Variants in NUDT9 observed in about 807,000 individuals in gnomAD.
NUDT9 encodes nudix hydrolase 9, also known as ADP-ribose pyrophosphatase.
In NUDT9, 31 loss-of-function variants were observed where a neutral mutation model predicts 41.0. The observed-to-expected ratio is 0.76, with a 90% CI of 0.57 to 1.02. The LOEUF is 1.02. NUDT9 is among the 50% of genes least tolerant of loss of function. The probability of loss-of-function intolerance (pLI) is 0.00; values close to 1 mark genes in which losing one functional copy is unlikely to be tolerated. For synonymous variants in NUDT9, 146 were observed against 147.6 expected (o/e 0.99, Z 0.08); for missense variants, 380 against 431.4 (o/e 0.88, Z 1.06).
intron 6 of NUDT9, among the ~76,000 whole-genome samples, chr4:87,453,511 C>CA (rs1443663190): frequency 2.0e-5 from 3 of 152,056 alleles, no homozygotes; most frequent in Non-Finnish European, 4.4e-5. Flanking sequence ...CTCACTGCAA[C>CA]CTCTGCCTCA....
intron 6 of NUDT9, among the ~76,000 whole-genome samples, chr4:87,453,292 C>G (rs1273197506): frequency 6.6e-6 from 1 of 152,114 alleles, no homozygotes; most frequent in Admixed American, 6.6e-5. Flanking sequence ...CTTTGTTTAA[C>G]TAGAAGAATC....
Position 87,458,165 on chromosome 4 carries a change from G to A in NUDT9, c.*144G>A, listed in dbSNP as rs557827063. On this transcript the variant is annotated 3_prime_UTR_variant, in exon 8 of 8. Transcript: ENST00000302174. ...AAACAATTTGCATTTAGAGTGTTTC[G>A]CATCAGAATAACATGAGTAAGATGA... 10 of 608,398 alleles carry A rather than the reference G, an allele frequency of 1.6e-5. No homozygotes were observed. In the South Asian group the frequency reaches 1.7e-4, roughly 10 times the overall value. The allele number at this position is 608,398 out of a possible 1,614,324, so 37.7% of individuals were successfully genotyped here.
In NUDT9 at chr4:87,425,568, T is replaced by C. The variant is rs539008569; in HGVS notation, c.107+2556T>C. Among the ~76,000 whole-genome samples the C allele has an allele frequency of 2.6e-5, 4 of 151,768 alleles. No homozygotes were observed. The South Asian group carries it at 8.3e-4, about 32-fold the overall frequency. On this transcript the variant is annotated intron_variant, in intron 1 of 7. Transcript: ENST00000302174. ...CATCACCATGCCTGGCTAAGTTTTA[T>C]ATTTTTAGTAGAGATGGGGTTTTAC...
intron 4 of NUDT9, among the ~76,000 whole-genome samples, chr4:87,445,045 T>C (rs1303770661): frequency 6.6e-6 from 1 of 152,214 alleles, no homozygotes; most frequent in Non-Finnish European, 1.5e-5. Context: ...CTTAGATGAA[T>C]TGTTAAAAGT....
intron 1 of NUDT9, among the ~76,000 whole-genome samples, chr4:87,425,281 T>C (rs982785719): frequency 6.6e-6 from 1 of 151,662 alleles, no homozygotes; most frequent in Admixed American, 6.6e-5. Context: ...AAGTGATCAG[T>C]AGGATTGCTT....
Position 87,422,902 on chromosome 4 carries a change from G to A in NUDT9, c.-4G>A. 6.2e-7 allele frequency: 1 copy of A among 1,608,410 alleles called. No homozygotes were observed. Among genetic ancestry groups the A allele is most frequent in the Non-Finnish European group, 8.5e-7 (1 of 1,179,266 alleles). On this transcript the variant is annotated 5_prime_UTR_variant, in exon 1 of 8. Transcript: ENST00000302174. ...AGCATCGCAAAGCCGCCCTCGGGGC[G>A]CTCATGGCGGGACGCCTCCTGGGAA...
chr4:87,429,943 C>T (rs573648337), intron 1 of NUDT9, among the ~76,000 whole-genome samples: 5 of 152,154 alleles, frequency 3.3e-5, no homozygotes, highest in African/African-American at 1.2e-4. Flanking sequence ...TAATGGCCCC[C>T]CAAGTATGTC....
intron 4 of NUDT9, chr4:87,445,451 T>G (rs1255185288): frequency 6.6e-6 from 1 of 152,166 alleles, no homozygotes; most frequent in African/African-American, 2.4e-5. Flanking sequence ...TTTCAGAAGC[T>G]CCGGGGCAGG....
rs776105272 is a variant in NUDT9 at position 87,435,070 on chromosome 4, G to A, written c.197G>A (p.Arg66Gln). ...GSKENSHNKA[R>Q]TSPYPGSKVE... is the part of the protein sequence containing the mutation. Reference sequence around the variant, plus strand: ...AAAGAAAATTCTCACAATAAGGCTCGGACGTCTCCTTACCCAGGTTCAAAA... The same window carrying A: ...AAAGAAAATTCTCACAATAAGGCTCAGACGTCTCCTTACCCAGGTTCAAAA... The change falls in exon 2 of 8, where the codon CGG becomes CAG. Residue 66 changes from arginine to glutamine, a missense_variant. Arg to Gln is a conservative substitution (Grantham distance 43, BLOSUM62 1). Coordinates refer to ENST00000302174, the MANE Select transcript of NUDT9 (RefSeq NM_024047.5). The A allele has an allele frequency of 1.4e-5, 23 of 1,614,062 alleles. No homozygotes were observed. The highest frequency in any genetic ancestry group is 1.6e-4 in the Middle Eastern group (1 of 6,062).
intron 1 of NUDT9, among the ~76,000 whole-genome samples, chr4:87,431,011 C>T (rs1439744167): frequency 6.6e-6 from 1 of 152,106 alleles, no homozygotes; most frequent in Non-Finnish European, 1.5e-5. Context: ...AAAATCATCA[C>T]CAAATCCAGT....
chr4:87,447,747 T>C (rs1722524256), intron 4 of NUDT9, among the ~76,000 whole-genome samples: 1 of 152,130 alleles, frequency 6.6e-6, no homozygotes, highest in African/African-American at 2.4e-5. Flanking sequence ...GCATAAAGAT[T>C]GAGAAGCAGG....
intron 4 of NUDT9, among the ~76,000 whole-genome samples, chr4:87,444,437 TACTC>T (rs1226413615): frequency 6.6e-6 from 1 of 152,106 alleles, no homozygotes; most frequent in African/African-American, 2.4e-5. Flanking sequence ...TCCATCCACT[TACTC>T]ACCCATTCAC....
At position 87,449,323 on chromosome 4, in the gene NUDT9, G is replaced by T; in HGVS notation, c.642+70G>T. ...TTTACTTACTACAGGGTTATTGTTTGTGAATCTTTTCTATTCCATTTTCCT... is the reference window on the plus strand; with the variant it reads ...TTTACTTACTACAGGGTTATTGTTTTTGAATCTTTTCTATTCCATTTTCCT... On this transcript the variant is annotated intron_variant, in intron 5 of 7. Transcript: ENST00000302174. 3.6e-6 allele frequency: 3 copies of T among 829,634 alleles called. No individual in the cohort carries two copies. In the South Asian group the frequency reaches 4.3e-5, roughly 12 times the overall value. The allele number at this position is 829,634 out of a possible 1,614,324, so 51.4% of individuals were successfully genotyped here. A position where few individuals can be genotyped will look rare whatever the true frequency, so the allele number is the denominator to read the frequency against.
At chr4:87,437,371 C>T (rs539778733) in intron 2 of NUDT9, among the ~76,000 whole-genome samples, 43 of 151,904 alleles carry the variant, frequency 2.8e-4, no homozygotes, top group South Asian at 1.5e-3. Context: ...GATGGAGTCT[C>T]GCTCTGTCGC....
At chr4:87,438,882 C>T (rs1480024459) in intron 3 of NUDT9, among the ~76,000 whole-genome samples, 3 of 152,134 alleles carry the variant, frequency 2.0e-5, no homozygotes, top group Non-Finnish European at 2.9e-5. Flanking sequence ...TACAGACATA[C>T]CTGGCCGGGC....
At chr4:87,451,820 T>C in intron 6 of NUDT9, 85 bp downstream of exon 6, 1 of 1,138,138 alleles carries the variant, frequency 8.8e-7, no homozygotes, top group Non-Finnish European at 1.3e-6. Context: ...CTGTATGTCC[T>C]TCTCTAAATA....
intron 5 of NUDT9, 49 bp downstream of exon 5, chr4:87,449,302 C>T (rs1267828646): frequency 4.2e-6 from 4 of 954,742 alleles, no homozygotes; most frequent in East Asian, 2.4e-5. Flanking sequence ...AGTTGCTTTA[C>T]TTACTACAGG....
intron 7 of NUDT9, among the ~76,000 whole-genome samples, chr4:87,456,838 G>A (rs1723012464): frequency 6.6e-6 from 1 of 152,306 alleles, no homozygotes; most frequent in African/African-American, 2.4e-5. Flanking sequence ...GGCTGAGGCA[G>A]GAGAATCGCT....
chr4:87,450,378 C>CTT (rs59228872), intron 5 of NUDT9, among the ~76,000 whole-genome samples: 56 of 102,328 alleles, frequency 5.5e-4, no homozygotes, highest in Middle Eastern at 7.6e-3. Flanking sequence ...TTTTCTTTTT[C>CTT]TTTTTTTTTT....
Sources: gnomAD v4.1 joint callset for allele counts (sites outside exome capture counted in the v4.1 genomes callset) on GRCh38, gnomAD v4.1.1 for gene constraint, MANE v1.5 for transcripts, NCBI Gene and HGNC (gene_info 2026-07-23, HGNC 2026-07-21) for gene names.